NCOR2: variants seen among roughly 807,000 people sequenced by gnomAD.
NCOR2 encodes CTG repeat protein 26.
A neutral mutation model predicts 262.9 loss-of-function variants in NCOR2; 81 were observed. The ratio of observed to expected loss-of-function variants is 0.31; its 90% CI spans 0.26 to 0.37. NCOR2 has a LOEUF of 0.37. Ranked by LOEUF, NCOR2 falls within the 10% of genes least tolerant of loss-of-function variation. The pLI is 1.00. For synonymous variants in NCOR2, 1,659 were observed against 1,559.3 expected (o/e 1.06, Z -1.51); for missense variants, 3,385 against 3,621.4 (o/e 0.93, Z 1.68).
chr12:124,442,179 T>C (rs2044848996), intron 7 of NCOR2, among the ~76,000 whole-genome samples: 1 of 152,230 alleles, frequency 6.6e-6, no homozygotes. Flanking sequence ...GGTCTTACTC[T>C]GTCTCCCAGG....
intron 4 of NCOR2, among the ~76,000 whole-genome samples, chr12:124,467,296 A>C: frequency 3.6e-5 from 1 of 27,550 alleles, no homozygotes; most frequent in Non-Finnish European, 6.4e-5. Flanking sequence ...CCTCATCCTC[A>C]TCACCCTCAT....
intron 5 of NCOR2, among the ~76,000 whole-genome samples, chr12:124,460,721 A>C (rs943573073): frequency 6.6e-6 from 1 of 152,166 alleles, no homozygotes; most frequent in Non-Finnish European, 1.5e-5. Context: ...CTCGGAGAGG[A>C]CACTTGGATA....
rs375861088 is a variant in NCOR2 at position 124,372,208 on chromosome 12, G to A, written c.2621C>T (p.Pro874Leu). ...GGCCTCCGCGTCCTTGCCCTTGGCCGGCCCCTCCTCGGCTTCCTCCGTGCA... is the reference window on the plus strand; with the variant it reads ...GGCCTCCGCGTCCTTGCCCTTGGCCAGCCCCTCCTCGGCTTCCTCCGTGCA... Residue 874 changes from proline (P) to leucine (L), a missense_variant, in exon 20 of 47, where the codon CCG becomes CTG. Physicochemically the swap from Pro to Leu is moderately conservative, Grantham distance 98. Transcript: ENST00000405201. 64 of 1,601,588 alleles carry A rather than the reference G, an allele frequency of 4.0e-5. 1 individual carries two copies. The African/African-American group carries it at 4.4e-4, about 11-fold the overall frequency.
chr12:124,427,200 T>G (rs1363251569), intron 10 of NCOR2, among the ~76,000 whole-genome samples: 2 of 152,124 alleles, frequency 1.3e-5, no homozygotes, highest in East Asian at 3.9e-4. Context: ...GAGTGGGCCC[T>G]GGGGTCCAGC....
chr12:124,370,983 C>T (rs2039457638), intron 20 of NCOR2, among the ~76,000 whole-genome samples: 1 of 152,144 alleles, frequency 6.6e-6, no homozygotes, highest in South Asian at 2.1e-4. Context: ...GTGGCTTTTC[C>T]CCAACCCCAC....
At chr12:124,435,452 G>A (rs759501846) in intron 8 of NCOR2, among the ~76,000 whole-genome samples, 1 of 152,226 alleles carries the variant, frequency 6.6e-6, no homozygotes, top group Non-Finnish European at 1.5e-5. Flanking sequence ...TCACCTATGA[G>A]CAGGGCTTGG....
intron 31 of NCOR2, among the ~76,000 whole-genome samples, chr12:124,345,793 C>T (rs1388427020): frequency 6.6e-6 from 1 of 152,180 alleles, no homozygotes; most frequent in Non-Finnish European, 1.5e-5. Context: ...TTCCTACAAG[C>T]TGGAACCCCT....
At chr12:124,506,468 T>G (rs1362603620) in intron 1 of NCOR2, among the ~76,000 whole-genome samples, 1 of 150,974 alleles carries the variant, frequency 6.6e-6, no homozygotes, top group Non-Finnish European at 1.5e-5. Context: ...CAAAATCACT[T>G]CCTCCTCCCC....
In NCOR2 at chr12:124,566,768, G is replaced by A. The variant is rs2052255739; in HGVS notation, c.-165+540C>T. Among the ~76,000 whole-genome samples the A allele has an allele frequency of 6.6e-6, 1 of 152,134 alleles. No individual in the cohort carries two copies. Among genetic ancestry groups the A allele is most frequent in the African/African-American group, 2.4e-5 (1 of 41,438 alleles). On this transcript the variant is annotated intron_variant, in intron 1 of 32. Coordinates refer to the NCOR2 transcript ENST00000458234. This position sits in a 1 kb window ranked among gnomAD's most constrained non-coding sequence, Gnocchi z 4.3. ...CGACTCTCCCGAGGGACCCCGCCCA[G>A]CGCCCCGTGGCCCCACGCCTAGGAG...
rs564518432 is a variant in NCOR2 at position 124,428,673 on chromosome 12, G to A, written c.1149+940C>T. Among the ~76,000 whole-genome samples, 19 of 152,352 alleles carry A rather than the reference G, an allele frequency of 1.2e-4. 1 individual carries two copies. In the East Asian group the frequency reaches 2.9e-3, roughly 23 times the overall value. ...AGGAGGGGAGCTGCCAACCACAAGC[G>A]GCTGTCGAGCTCTTGAGATGTGTCA... On this transcript the variant is annotated intron_variant, in intron 10 of 46. Coordinates refer to ENST00000405201, the Ensembl canonical transcript of NCOR2.
intron 1 of NCOR2, among the ~76,000 whole-genome samples, chr12:124,554,094 C>A (rs1380805677): frequency 6.6e-6 from 1 of 152,228 alleles, no homozygotes; most frequent in African/African-American, 2.4e-5. Flanking sequence ...GAGCCCTGCC[C>A]CATAAGCACA....
chr12:124,512,016 G>A (rs1192689614), intron 1 of NCOR2, among the ~76,000 whole-genome samples: 1 of 152,068 alleles, frequency 6.6e-6, no homozygotes, highest in Non-Finnish European at 1.5e-5. Flanking sequence ...TGACCTCCTG[G>A]GCTCAATTGA....
At chr12:124,361,048 G>A (rs866930941) in intron 22 of NCOR2, among the ~76,000 whole-genome samples, 10 of 150,630 alleles carry the variant, frequency 6.6e-5, no homozygotes, top group South Asian at 2.1e-4. Context: ...GGTGGACCCC[G>A]GAGGCAGAGG....
rs191385730 is a variant in NCOR2, at chr12:124,504,705, C to G, written c.-117-9337G>C. ...ATCAATGGACTACGATTCAGCCACG[C>G]AAAGGTAAGCGCTGACTCAGCCACA... On this transcript the variant is annotated intron_variant, in intron 1 of 46. Coordinates refer to the NCOR2 transcript ENST00000404621. This position sits in a 1 kb window ranked among gnomAD's most constrained non-coding sequence, Gnocchi z 4.5. Among the ~76,000 whole-genome samples, 5 of 152,352 alleles carry G rather than the reference C, an allele frequency of 3.3e-5. No homozygotes were observed. The East Asian group carries it at 7.7e-4, about 23-fold the overall frequency.
chr12:124,399,728 G>A (rs1464137782), intron 15 of NCOR2, among the ~76,000 whole-genome samples: 4 of 152,196 alleles, frequency 2.6e-5, no homozygotes, highest in Admixed American at 6.5e-5. Context: ...GCGGGGCTTC[G>A]GCCTGAGCGC....
At position 124,531,627 on chromosome 12, in the gene NCOR2, G is replaced by A. The variant is rs956755384; in HGVS notation, c.-118+3938C>T. Among the ~76,000 whole-genome samples the A allele has an allele frequency of 1.3e-4, 20 of 151,896 alleles. No homozygotes were observed. Among genetic ancestry groups the A allele is most frequent in the East Asian group, 5.8e-4 (3 of 5,164 alleles). ...ATGGCAGAGAGGGAAGGGTGGTGGC[G>A]CAGACAGGGAAGGGCAGGGGGCCCT... is the stretch of plus-strand genomic sequence containing the variant. On this transcript the variant is annotated intron_variant, in intron 1 of 46. Coordinates refer to the NCOR2 transcript ENST00000404621. This position sits in a 1 kb window ranked among gnomAD's most constrained non-coding sequence, Gnocchi z 4.5.
exon 38 of NCOR2, chr12:124,336,980 C>G: frequency 6.6e-7 from 1 of 1,513,712 alleles, no homozygotes; most frequent in South Asian, 1.3e-5. Flanking sequence ...CAGCCCGGAG[C>G]GGGCTGGGGG....
chr12:124,354,034 G>A lies in NCOR2; in HGVS notation c.3693+59C>T, dbSNP rs376633007. 5.7e-4 allele frequency: 838 copies of A among 1,470,736 alleles called. 17 individuals are homozygous for A. The South Asian group carries it at 6.8e-3, about 12-fold the overall frequency. 91.1% of individuals were successfully genotyped at this position (1,470,736 alleles called of 1,614,324 possible). ...GTTTGGTGACAATGAGGGGTTATAAGATGGGCTGGCCCCGTGCTGGTCCCA... is the reference window on the plus strand; with the variant it reads ...GTTTGGTGACAATGAGGGGTTATAAAATGGGCTGGCCCCGTGCTGGTCCCA... On this transcript the variant is annotated intron_variant, in intron 27 of 46. Transcript: ENST00000405201.
intron 33 of NCOR2, among the ~76,000 whole-genome samples, chr12:124,342,791 G>A (rs1344742069): frequency 6.6e-6 from 1 of 152,204 alleles, no homozygotes; most frequent in East Asian, 1.9e-4. Context: ...CCACTGAAAT[G>A]TTTAACCCCA....
Sources: allele counts gnomAD v4.1 joint callset (sites outside exome capture counted in the v4.1 genomes callset), GRCh38; gene constraint gnomAD v4.1.1; non-coding constraint Gnocchi (gnomAD v3.1); transcripts MANE v1.5; gene names NCBI Gene and HGNC (gene_info 2026-07-23, HGNC 2026-07-21).